CCDC7: variants seen among roughly 807,000 people sequenced by gnomAD.
The protein encoded by CCDC7 is coiled-coil domain containing 7.
Under a neutral mutation model 196.9 loss-of-function variants are expected in CCDC7, and 183 were observed. The observed-to-expected ratio is 0.93, with a 90% confidence interval of 0.82 to 1.05. The LOEUF is 1.05. Ranked by LOEUF, CCDC7 falls within the 50% of genes least tolerant of loss-of-function variation. The probability of loss-of-function intolerance (pLI) is 0.00; values close to 1 mark genes in which losing one functional copy is unlikely to be tolerated. For missense variants in CCDC7, 1,540 were observed against 1,482.2 expected (o/e 1.04, Z -0.64); for synonymous variants, 525 against 484.6 (o/e 1.08, Z -1.10).
intron 20 of CCDC7, among the ~76,000 whole-genome samples, chr10:32,653,180 A>G (rs1037739909): frequency 1.1e-4 from 17 of 152,130 alleles, no homozygotes; most frequent in Non-Finnish European, 2.2e-4. Flanking sequence ...ACCTGAAGTC[A>G]CTTTAGGCAG....
At chr10:32,541,206 T>A (rs1355759717) in intron 11 of CCDC7, among the ~76,000 whole-genome samples, 3 of 152,156 alleles carry the variant, frequency 2.0e-5, no homozygotes, top group Non-Finnish European at 2.9e-5. Context: ...CTAGAAGCTC[T>A]AGCAGGCATG....
In CCDC7 at chr10:32,674,637, A is replaced by T. The variant is rs547234418; in HGVS notation, c.2122+10476A>T. Among the ~76,000 whole-genome samples, 21 of 151,662 alleles carry T rather than the reference A, an allele frequency of 1.4e-4. No individual in the cohort carries two copies. In the South Asian group the frequency reaches 1.5e-3, roughly 11 times the overall value. ...TGTTGTTCAGATCTGTTGTTTATTG[A>T]TTTTCTGTTTGGATGATCTATCCAT... On this transcript the variant is annotated intron_variant, in intron 21 of 41. Transcript: ENST00000639629.
intron 20 of CCDC7, among the ~76,000 whole-genome samples, chr10:32,642,930 G>T (rs1417293249): frequency 6.6e-6 from 1 of 152,132 alleles, no homozygotes; most frequent in African/African-American, 2.4e-5. Flanking sequence ...ATGTAATGAT[G>T]AATATTATTA....
intron 18 of CCDC7, among the ~76,000 whole-genome samples, chr10:32,603,126 A>T (rs2061232657): frequency 6.6e-6 from 1 of 151,432 alleles, no homozygotes; most frequent in South Asian, 2.1e-4. Flanking sequence ...AGGCTCTTGT[A>T]GCTATCATTG....
intron 8 of CCDC7, among the ~76,000 whole-genome samples, chr10:32,485,137 T>C (rs1044962825): frequency 6.6e-6 from 1 of 152,226 alleles, no homozygotes; most frequent in Non-Finnish European, 1.5e-5. Context: ...CTGGACTTTT[T>C]TTGGTTGGTA....
In CCDC7 at chr10:32,874,686, CAT is replaced by C. The variant is rs746658333; in HGVS notation, c.4112-1659_4112-1658del. Among the ~76,000 whole-genome samples the C allele has an allele frequency of 4.1e-3, 611 of 150,824 alleles. 9 individuals carry two copies. The highest frequency in any genetic ancestry group is 0.014 in the African/African-American group (561 of 41,004). On this transcript the variant is annotated intron_variant, in intron 41 of 41. Coordinates refer to ENST00000639629, the Ensembl canonical transcript of CCDC7. ...ATATATATATACATACACACACACA[CAT>C]ACACACATATGTATGTGCATATATA...
chr10:32,721,439 A>C (rs1185363290), intron 25 of CCDC7, among the ~76,000 whole-genome samples: 1 of 152,174 alleles, frequency 6.6e-6, no homozygotes, highest in East Asian at 1.9e-4. Flanking sequence ...CTCAGGGTAA[A>C]GTTAGCAGCA....
intron 21 of CCDC7, among the ~76,000 whole-genome samples, chr10:32,676,483 T>C (rs1206656458): frequency 2.6e-5 from 4 of 151,584 alleles, no homozygotes; most frequent in Non-Finnish European, 5.9e-5. Context: ...GACAAAGGGC[T>C]AATATCCAGA....
intron 19 of CCDC7, among the ~76,000 whole-genome samples, chr10:32,634,567 T>C (rs1310213307): frequency 6.6e-6 from 1 of 152,044 alleles, no homozygotes; most frequent in East Asian, 1.9e-4. Context: ...TGGCTAATTT[T>C]TGTATCCTTA....
At chr10:32,457,382 A>G (rs1208125268) in intron 3 of CCDC7, among the ~76,000 whole-genome samples, 1 of 152,186 alleles carries the variant, frequency 6.6e-6, no homozygotes, top group African/African-American at 2.4e-5. Context: ...GTGGCTGAAT[A>G]GTAGTCCATT....
chr10:32,608,119 A>G (rs1275914906), intron 18 of CCDC7, among the ~76,000 whole-genome samples: 1 of 151,934 alleles, frequency 6.6e-6, no homozygotes, highest in African/African-American at 2.4e-5. Context: ...GTCGTCTCTG[A>G]TGATCTTTTG....
chr10:32,558,487 A>G (rs918334031), intron 13 of CCDC7, among the ~76,000 whole-genome samples: 3 of 151,858 alleles, frequency 2.0e-5, no homozygotes, highest in Admixed American at 6.6e-5. Context: ...TCTTTGTGTA[A>G]TTTCCCTCTA....
At position 32,517,957 on chromosome 10, in the gene CCDC7, T is replaced by TC. The variant is rs2047308066; in HGVS notation, c.886dup (p.Gln296ProfsTer7). 1.3e-6 allele frequency: 2 copies of TC among 1,591,206 alleles called. No homozygotes were observed. On this transcript the variant is annotated frameshift_variant, in exon 10 of 42. Coordinates refer to ENST00000639629, the Ensembl canonical transcript of CCDC7. LOFTEE classifies it high-confidence loss of function. ...GTTTATTTTTCAGAGCTGTAAATGA[T>TC]CAAGTTTTGTTAGATGCTGTAAGTA...
chr10:32,709,515 G>C (rs2080445584), intron 24 of CCDC7, among the ~76,000 whole-genome samples: 1 of 151,958 alleles, frequency 6.6e-6, no homozygotes, highest in South Asian at 2.1e-4. Flanking sequence ...ATAAAACCTA[G>C]ATCTTTCAGA....
At chr10:32,750,368 C>A (rs930681095) in intron 28 of CCDC7, among the ~76,000 whole-genome samples, 2 of 151,922 alleles carry the variant, frequency 1.3e-5, no homozygotes, top group African/African-American at 4.8e-5. Context: ...GGGTGTCCAG[C>A]AAAAACATAA....
intron 18 of CCDC7, among the ~76,000 whole-genome samples, chr10:32,613,939 A>G (rs2062472647): frequency 6.6e-6 from 1 of 152,112 alleles, no homozygotes; most frequent in Non-Finnish European, 1.5e-5. Flanking sequence ...TTAGGTCCAG[A>G]GCTGAGTTCA....
chr10:32,501,792 A>G (rs1441635977), intron 9 of CCDC7, among the ~76,000 whole-genome samples: 6 of 152,178 alleles, frequency 3.9e-5, no homozygotes, highest in East Asian at 1.9e-4. Context: ...ACTGGGAGGT[A>G]TCTCCCAGTC....
intron 18 of CCDC7, among the ~76,000 whole-genome samples, chr10:32,631,629 T>G (rs947007741): frequency 1.3e-5 from 2 of 151,454 alleles, no homozygotes; most frequent in Non-Finnish European, 2.9e-5. Flanking sequence ...TCTGGATGCC[T>G]TAAATTTACA....
chr10:32,740,677 C>A (rs2085676589), intron 28 of CCDC7, among the ~76,000 whole-genome samples: 1 of 152,152 alleles, frequency 6.6e-6, no homozygotes, highest in Admixed American at 6.6e-5. Context: ...AAGATTCCAG[C>A]AGTGTGCATA....
Sources: gnomAD v4.1 joint callset for allele counts (sites outside exome capture counted in the v4.1 genomes callset) on GRCh38, gnomAD v4.1.1 for gene constraint, MANE v1.5 for transcripts, NCBI Gene and HGNC (gene_info 2026-07-23, HGNC 2026-07-21) for gene names.